DGKI: variants seen among roughly 807,000 people sequenced by gnomAD.
The protein encoded by DGKI is DAG kinase iota.
DGKI carries 55 observed loss-of-function variants against 147.5 expected under a neutral mutation model. That is an observed-to-expected ratio of 0.37 (90% CI 0.30 to 0.47). DGKI has a LOEUF of 0.47. Ranked by LOEUF, DGKI falls within the 20% of genes least tolerant of loss-of-function variation. The pLI is 1.00. For synonymous variants in DGKI, 469 were observed against 477.1 expected (o/e 0.98, Z 0.22); for missense variants, 1,007 against 1,323.8 (o/e 0.76, Z 3.71).
chr7:137,570,904 A>G (rs1257192825), intron 19 of DGKI, among the ~76,000 whole-genome samples: 1 of 152,118 alleles, frequency 6.6e-6, no homozygotes, highest in Non-Finnish European at 1.5e-5. Flanking sequence ...TAATGTTTTT[A>G]ATTAGCATAA....
intron 1 of DGKI, among the ~76,000 whole-genome samples, chr7:137,796,057 T>C (rs7786749): frequency 0.024 from 3,644 of 152,298 alleles, 143 homozygotes; most frequent in African/African-American, 0.083. Context: ...TCTATTATAT[T>C]ACTTTAACAG....
rs1811318433 is a variant in DGKI, at chr7:137,390,497, T to C, written c.*723A>G. On this transcript the variant is annotated 3_prime_UTR_variant, in exon 33 of 33. Transcript: ENST00000614521. Reference sequence around the variant, plus strand: ...CAGCCCAGCAGCCTGGGCTGACCCCTGGGTTACCTCTCTGAGGTACCTCCA... The same window carrying C: ...CAGCCCAGCAGCCTGGGCTGACCCCCGGGTTACCTCTCTGAGGTACCTCCA... 6.5e-6 allele frequency: 1 copy of C among 153,126 alleles called. No individual in the cohort carries two copies. The highest frequency in any genetic ancestry group is 1.5e-5 in the Non-Finnish European group (1 of 68,484). 9.5% of individuals were successfully genotyped at this position (153,126 alleles called of 1,614,324 possible). A position where few individuals can be genotyped will look rare whatever the true frequency, so the allele number is the denominator to read the frequency against.
intron 3 of DGKI, among the ~76,000 whole-genome samples, chr7:137,664,814 A>G (rs1337021506): frequency 1.3e-5 from 2 of 152,226 alleles, no homozygotes; most frequent in Non-Finnish European, 2.9e-5. Context: ...AGAGATTAGT[A>G]TATAATATAT....
chr7:137,533,410 A>G (rs1817409632), intron 20 of DGKI, among the ~76,000 whole-genome samples: 1 of 152,134 alleles, frequency 6.6e-6, no homozygotes, highest in South Asian at 2.1e-4. Context: ...GAAAGAAAAT[A>G]ATGGTTTTAT....
Position 137,645,470 on chromosome 7 carries a change from A to G in DGKI, c.804+2T>C. On this transcript the variant is annotated splice_donor_variant, in intron 6 of 32. Transcript: ENST00000614521. LOFTEE classifies it high-confidence loss of function. ...GAGGCCATGAGGTGGCTGGGCTCTT[A>G]CCTTACCACACTGCTTACATTTCCC... The G allele has an allele frequency of 1.2e-6, 2 of 1,613,062 alleles. No homozygotes were observed. The highest frequency in any genetic ancestry group is 1.7e-6 in the Non-Finnish European group (2 of 1,179,350).
intron 28 of DGKI, among the ~76,000 whole-genome samples, chr7:137,414,348 A>C (rs1312086238): frequency 6.6e-6 from 1 of 152,202 alleles, no homozygotes; most frequent in African/African-American, 2.4e-5. Context: ...AATGGAGAGA[A>C]GAAAAGTGCC....
At chr7:137,686,968 GT>G (rs1045468449) in intron 2 of DGKI, among the ~76,000 whole-genome samples, 1 of 151,904 alleles carries the variant, frequency 6.6e-6, no homozygotes, top group Non-Finnish European at 1.5e-5. Flanking sequence ...CACCATGAAC[GT>G]TTTTTTTAAT....
At chr7:137,709,218 T>C (rs1026606186) in intron 1 of DGKI, among the ~76,000 whole-genome samples, 1 of 152,172 alleles carries the variant, frequency 6.6e-6, no homozygotes, top group African/African-American at 2.4e-5. Flanking sequence ...TAAGCAGAGA[T>C]GGATTTATTA....
At chr7:137,647,538 G>A (rs930370342) in intron 5 of DGKI, among the ~76,000 whole-genome samples, 5 of 152,170 alleles carry the variant, frequency 3.3e-5, no homozygotes, top group Admixed American at 2.6e-4. Flanking sequence ...ATGTACAATC[G>A]TAAATATCCA....
At chr7:137,404,885 T>C (rs976444492) in intron 30 of DGKI, among the ~76,000 whole-genome samples, 2 of 152,064 alleles carry the variant, frequency 1.3e-5, no homozygotes, top group South Asian at 2.1e-4. Flanking sequence ...TATTGGAATG[T>C]TAGGTTTTGA....
intron 1 of DGKI, among the ~76,000 whole-genome samples, chr7:137,694,276 C>T (rs1053025511): frequency 6.0e-5 from 9 of 150,110 alleles, no homozygotes; most frequent in Non-Finnish European, 1.3e-4. Context: ...GAGCGGAGAT[C>T]GTGCCACTGC....
chr7:137,449,156 A>G (rs1204764145), intron 27 of DGKI, among the ~76,000 whole-genome samples: 2 of 152,198 alleles, frequency 1.3e-5, no homozygotes, highest in African/African-American at 4.8e-5. Flanking sequence ...CGTGTATGAA[A>G]CCACAGAAGA....
At chr7:137,443,644 C>T (rs10488609) in intron 28 of DGKI, among the ~76,000 whole-genome samples, 52,382 of 152,006 alleles carry the variant, frequency 0.34, 9,899 homozygotes, top group East Asian at 0.65. Flanking sequence ...ATTTAGAGTG[C>T]TCTTCACAAA....
At chr7:137,465,502 G>T (rs1585140134) in intron 26 of DGKI, among the ~76,000 whole-genome samples, 1 of 152,188 alleles carries the variant, frequency 6.6e-6, no homozygotes, top group South Asian at 2.1e-4. Context: ...AAAGGGCTTG[G>T]TATGTCATAG....
At chr7:137,618,789 G>A (rs1486411124) in intron 8 of DGKI, among the ~76,000 whole-genome samples, 1 of 152,098 alleles carries the variant, frequency 6.6e-6, no homozygotes, top group Non-Finnish European at 1.5e-5. Flanking sequence ...AATATAAAAT[G>A]AAGCACTAGG....
In DGKI at chr7:137,389,599, CA is replaced by C. The variant is rs1040314224; in HGVS notation, c.*1620del. On this transcript the variant is annotated 3_prime_UTR_variant, in exon 33 of 33. Transcript: ENST00000614521. ...AAGCTCAGGAGACGTCAGATTTCGC[CA>C]AAAGTAAAATCCTTGGACACCTACT... The C allele has an allele frequency of 4.6e-5, 7 of 152,112 alleles. No individual in the cohort carries two copies. The highest frequency in any genetic ancestry group is 1.7e-4 in the African/African-American group (7 of 41,414). The allele number at this position is 152,112 out of a possible 1,614,324, so 9.4% of individuals were successfully genotyped here. A position where few individuals can be genotyped will look rare whatever the true frequency, so the allele number is the denominator to read the frequency against.
rs766071570 is a variant in DGKI at position 137,585,236 on chromosome 7, T to G, written c.1536A>C (p.Pro512=). The G allele has an allele frequency of 6.2e-7, 1 of 1,614,190 alleles. No individual in the cohort carries two copies. The highest frequency in any genetic ancestry group is 1.7e-5 in the Admixed American group (1 of 60,028). Residue 512 remains proline, a synonymous_variant, in exon 14 of 33, where the codon CCA becomes CCC. Transcript: ENST00000614521. ...TACATACGCCATCTTCAAGTTCTTC[T>G]GGAGGCAAGTCGGGGTTTCTTTCCA... ...LHVERNPDLP[P]EELEDGVCKL...
rs1225065673 is a variant in DGKI at position 137,387,242 on chromosome 7, T to C, written c.*3978A>G. The C allele has an allele frequency of 6.6e-6, 1 of 152,030 alleles. No homozygotes were observed. The highest frequency in any genetic ancestry group is 1.5e-5 in the Non-Finnish European group (1 of 68,002). 9.4% of individuals were successfully genotyped at this position (152,030 alleles called of 1,614,324 possible). A position where few individuals can be genotyped will look rare whatever the true frequency, so the allele number is the denominator to read the frequency against. On this transcript the variant is annotated 3_prime_UTR_variant, in exon 33 of 33. Transcript: ENST00000614521. ...GAAATACAAACATAGCATAGATAAG[T>C]CTTGGGGCTATGGTAGGTTTCATGC...
At chr7:137,509,476 G>A (rs1034354970) in intron 21 of DGKI, among the ~76,000 whole-genome samples, 2 of 152,192 alleles carry the variant, frequency 1.3e-5, no homozygotes, top group African/African-American at 4.8e-5. Flanking sequence ...AAAGGAGCAA[G>A]AGTGACAGTG....
Sources: gnomAD v4.1 joint callset for allele counts (sites outside exome capture counted in the v4.1 genomes callset) on GRCh38, gnomAD v4.1.1 for gene constraint, MANE v1.5 for transcripts, NCBI Gene and HGNC (gene_info 2026-07-23, HGNC 2026-07-21) for gene names.